SYT10: variants seen among roughly 807,000 people sequenced by gnomAD.
SYT10 encodes synaptotagmin-10.
In SYT10, 31 loss-of-function variants were observed where a neutral mutation model predicts 51.1. That is an observed-to-expected ratio of 0.61 (90% CI 0.46 to 0.82). SYT10 has a LOEUF of 0.82. SYT10 is among the 40% of genes least tolerant of loss of function. SYT10 has a pLI of 0.00. For missense variants in SYT10, 603 were observed against 634.0 expected (o/e 0.95, Z 0.53); for synonymous variants, 233 against 225.9 (o/e 1.03, Z -0.28).
At chr12:33,427,295 G>A (rs1866561124) in intron 1 of SYT10, among the ~76,000 whole-genome samples, 1 of 152,050 alleles carries the variant, frequency 6.6e-6, no homozygotes, top group Non-Finnish European at 1.5e-5. Flanking sequence ...ATAGCAAGAA[G>A]GTGTCATCTA....
chr12:33,381,924 A>T (rs7973728), intron 5 of SYT10, among the ~76,000 whole-genome samples: 44,219 of 152,030 alleles, frequency 0.29, 7,445 homozygotes, highest in African/African-American at 0.45. Context: ...AAGTTTTACA[A>T]ATGGGAAAAG....
At chr12:33,403,595 T>G (rs550028503) in intron 3 of SYT10, among the ~76,000 whole-genome samples, 6 of 152,294 alleles carry the variant, frequency 3.9e-5, no homozygotes, top group African/African-American at 1.4e-4. Flanking sequence ...TGTCTGTGTC[T>G]GCATAGTTTG....
chr12:33,402,628 A>C (rs1312056417), intron 3 of SYT10, among the ~76,000 whole-genome samples: 1 of 152,218 alleles, frequency 6.6e-6, no homozygotes, highest in Non-Finnish European at 1.5e-5. Flanking sequence ...CTTTGTTCAC[A>C]GGAAGTTCTC....
At chr12:33,397,965 A>G (rs1173822625) in intron 3 of SYT10, among the ~76,000 whole-genome samples, 1 of 152,126 alleles carries the variant, frequency 6.6e-6, no homozygotes, top group Non-Finnish European at 1.5e-5. Context: ...GAGTGGCGGA[A>G]ATGAACAGGG....
intron 2 of SYT10, chr12:33,423,952 C>A (rs1866527029): frequency 8.8e-6 from 4 of 455,768 alleles, no homozygotes; most frequent in South Asian, 6.2e-5. Context: ...GGTGCCTTGG[C>A]ATAGTGACAA....
At chr12:33,385,393 A>ATCCTCAATAAAACAAT in intron 3 of SYT10, 102 bp from the exon 4 acceptor site, 1 of 1,467,980 alleles carries the variant, frequency 6.8e-7, no homozygotes, top group Non-Finnish European at 9.1e-7. Context: ...AAATTGTTTT[A>ATCCTCAATAAAACAAT]TTGAGGATAA....
rs1025203561 is a variant in SYT10, at chr12:33,385,357, T to G, written c.1078-66A>C. 6.3e-6 allele frequency: 10 copies of G among 1,575,030 alleles called. No homozygotes were observed. The African/African-American group carries it at 1.1e-4, about 17-fold the overall frequency. Reference sequence around the variant, plus strand: ...AGGGTGAAAACCAAAAATAATCATTTTAGTAGAATACTGGAATGTCATTTT... The same window carrying G: ...AGGGTGAAAACCAAAAATAATCATTGTAGTAGAATACTGGAATGTCATTTT... On this transcript the variant is annotated intron_variant, in intron 3 of 6. Coordinates refer to ENST00000228567, the MANE Select transcript of SYT10 (RefSeq NM_198992.4).
intron 2 of SYT10, among the ~76,000 whole-genome samples, chr12:33,417,743 GC>G (rs1866467076): frequency 6.6e-6 from 1 of 152,172 alleles, no homozygotes; most frequent in African/African-American, 2.4e-5. Context: ...AATGAATTCA[GC>G]TAGGGCTGTG....
rs1255169686 is a variant in SYT10, at chr12:33,439,788, G to T, written c.-266C>A. The T allele has an allele frequency of 1.0e-5, 5 of 478,050 alleles. No homozygotes were observed. The Admixed American group carries it at 1.2e-4, about 11-fold the overall frequency. 29.6% of individuals were successfully genotyped at this position (478,050 alleles called of 1,614,324 possible). A position where few individuals can be genotyped will look rare whatever the true frequency, so the allele number is the denominator to read the frequency against. On this transcript the variant is annotated 5_prime_UTR_variant, in exon 1 of 7. Transcript: ENST00000228567. ...CTCTCCCGCCGCGCGAGCGAGCCGA[G>T]GCGCGCTGGAACTAGAGACCCGGCA...
At chr12:33,424,737 T>A (rs1439910119) in intron 2 of SYT10, among the ~76,000 whole-genome samples, 3 of 148,084 alleles carry the variant, frequency 2.0e-5, no homozygotes, top group Admixed American at 6.9e-5. Context: ...TAAATATATA[T>A]AATTCAATAA....
intron 3 of SYT10, among the ~76,000 whole-genome samples, chr12:33,403,924 T>G (rs1866329024): frequency 6.6e-6 from 1 of 152,220 alleles, no homozygotes; most frequent in South Asian, 2.1e-4. Flanking sequence ...GGTTTCATTA[T>G]TATGTTCCCA....
rs115792287 is a variant in SYT10, at chr12:33,433,621, C to T, written c.151+5751G>A. On this transcript the variant is annotated intron_variant, in intron 1 of 6. Coordinates refer to ENST00000228567, the MANE Select transcript of SYT10 (RefSeq NM_198992.4). Reference sequence around the variant, plus strand: ...TATTTGGCCAAGAATATGTAAACACCTACTCGTGTACACTGAAGTACACAT... The same window carrying T: ...TATTTGGCCAAGAATATGTAAACACTTACTCGTGTACACTGAAGTACACAT... 7.8e-3 allele frequency among the ~76,000 whole-genome samples: 1,193 copies of T among 152,106 alleles called. 12 individuals carry two copies. The highest frequency in any genetic ancestry group is 0.028 in the African/African-American group (1,141 of 41,478).
intron 3 of SYT10, among the ~76,000 whole-genome samples, chr12:33,386,313 G>T (rs557584432): frequency 3.4e-4 from 51 of 152,192 alleles, no homozygotes; most frequent in African/African-American, 1.1e-3. Flanking sequence ...TAATACATTA[G>T]AACGTCACAC....
chr12:33,421,333 C>G (rs1007359373), intron 2 of SYT10, among the ~76,000 whole-genome samples: 4 of 152,112 alleles, frequency 2.6e-5, no homozygotes, highest in African/African-American at 7.2e-5. Flanking sequence ...ATTACAGTTC[C>G]TAATTATTTT....
rs920381989 is a variant in SYT10, at chr12:33,375,950, G to A, written c.*880C>T. On this transcript the variant is annotated 3_prime_UTR_variant, in exon 7 of 7. Coordinates refer to ENST00000228567, the MANE Select transcript of SYT10 (RefSeq NM_198992.4). ...TAGCTTCAAGTCACAAAAAATACAC[G>A]TCACAAAAAAATACATGTCACAGTA... 6.6e-6 allele frequency: 1 copy of A among 152,358 alleles called. No individual in the cohort carries two copies. Among genetic ancestry groups the A allele is most frequent in the Non-Finnish European group, 1.5e-5 (1 of 67,976 alleles). 9.4% of individuals were successfully genotyped at this position (152,358 alleles called of 1,614,324 possible). A position where few individuals can be genotyped will look rare whatever the true frequency, so the allele number is the denominator to read the frequency against.
At chr12:33,421,014 T>C (rs1355918913) in intron 2 of SYT10, among the ~76,000 whole-genome samples, 1 of 152,200 alleles carries the variant, frequency 6.6e-6, no homozygotes, top group Non-Finnish European at 1.5e-5. Flanking sequence ...TTTCATTTCT[T>C]ACAGTGTTTT....
chr12:33,415,263 T>C (rs11610318), intron 2 of SYT10, among the ~76,000 whole-genome samples: 93,245 of 152,026 alleles, frequency 0.61, 29,786 homozygotes, highest in East Asian at 0.89. Context: ...ACTTTCCCAA[T>C]TATCACTTTT....
rs1279683862 is a variant in SYT10 at position 33,376,907 on chromosome 12, A to G, written c.1501-6T>C. 6.2e-7 allele frequency: 1 copy of G among 1,614,082 alleles called. No individual in the cohort carries two copies. Among genetic ancestry groups the G allele is most frequent in the South Asian group, 1.1e-5 (1 of 91,074 alleles). On this transcript the variant is annotated splice_polypyrimidine_tract_variant and splice_region_variant and intron_variant, in intron 6 of 6. Transcript: ENST00000228567. ...CTGGTCGCCCGGCCAGGTAACTGAA[A>G]GACAAAAATTTCATAATGTATGATC...
At chr12:33,417,851 G>A (rs553389478) in intron 2 of SYT10, among the ~76,000 whole-genome samples, 1 of 151,696 alleles carries the variant, frequency 6.6e-6, no homozygotes, top group East Asian at 1.9e-4. Context: ...AAACTAAGAA[G>A]GAAAAAAAAT....
Sources: gnomAD v4.1 joint callset for allele counts (sites outside exome capture counted in the v4.1 genomes callset) on GRCh38, gnomAD v4.1.1 for gene constraint, MANE v1.5 for transcripts, NCBI Gene and HGNC (gene_info 2026-07-23, HGNC 2026-07-21) for gene names.